Variants in SLAIN1 observed in about 807,000 individuals in gnomAD.
SLAIN1 encodes SLAIN motif-containing protein 1.
Under a neutral mutation model 55.4 loss-of-function variants are expected in SLAIN1, and 17 were observed. The observed-to-expected ratio is 0.31, with a 90% CI of 0.21 to 0.46. The LOEUF is 0.46. SLAIN1 is among the 20% of genes least tolerant of loss of function. SLAIN1 has a pLI of 1.00. For missense variants in SLAIN1, 682 were observed against 785.1 expected (o/e 0.87, Z 1.57); for synonymous variants, 348 against 337.4 (o/e 1.03, Z -0.35).
intron 1 of SLAIN1, among the ~76,000 whole-genome samples, chr13:77,714,384 G>A (rs1316306253): frequency 6.6e-6 from 1 of 152,132 alleles, no homozygotes; most frequent in African/African-American, 2.4e-5. Flanking sequence ...GGCTAAGGCA[G>A]GAAGATCACT....
At chr13:77,704,210 A>G (rs2091067457) in intron 1 of SLAIN1, among the ~76,000 whole-genome samples, 1 of 300 alleles carries the variant, frequency 3.3e-3, no homozygotes, top group African/African-American at 0.071. Flanking sequence ...ATATATATAC[A>G]TATGTTTTAT....
chr13:77,711,710 C>T (rs1165450766), intron 1 of SLAIN1, among the ~76,000 whole-genome samples: 4 of 152,152 alleles, frequency 2.6e-5, no homozygotes, highest in African/African-American at 9.7e-5. Flanking sequence ...AGGGGCTCCT[C>T]CCTAACTCAT....
chr13:77,756,617 T>A (rs1462793950), intron 5 of SLAIN1, among the ~76,000 whole-genome samples: 1 of 152,152 alleles, frequency 6.6e-6, no homozygotes, highest in Non-Finnish European at 1.5e-5. Context: ...TGAGTGCATA[T>A]GATCACCAAA....
intron 6 of SLAIN1, among the ~76,000 whole-genome samples, chr13:77,761,561 A>C (rs1875024895): frequency 6.6e-6 from 1 of 152,152 alleles, no homozygotes; most frequent in South Asian, 2.1e-4. Flanking sequence ...TAGGATCTCA[A>C]ATATTTGTTG....
chr13:77,760,999 C>T lies in SLAIN1; in HGVS notation c.1586C>T (p.Pro529Leu), dbSNP rs139541368. Residue 529 changes from proline (P) to leucine (L), a missense_variant, in exon 6 of 7, where the codon CCG (proline) becomes CTG (leucine). Coordinates refer to ENST00000418532, the MANE Select transcript of SLAIN1 (RefSeq NM_001242868.2). ...QLYSNTGIPT[P>L]NKAAASGIMG... is the part of the protein sequence containing the mutation. ...TATTCCAACACAGGAATCCCCACAC[C>T]GAACAAAGCTGCAGCTTCTGGGATA... 42 of 1,614,160 alleles carry T rather than the reference C, an allele frequency of 2.6e-5. No individual in the cohort carries two copies. Among genetic ancestry groups the T allele is most frequent in the African/African-American group, 1.7e-4 (13 of 75,044 alleles).
In SLAIN1 at chr13:77,735,248, A is replaced by G. The variant is rs576476297; in HGVS notation, c.767-9035A>G. Among the ~76,000 whole-genome samples, 475 of 152,272 alleles carry G rather than the reference A, an allele frequency of 3.1e-3. 1 individual carries two copies. Among genetic ancestry groups the G allele is most frequent in the Non-Finnish European group, 6.0e-3 (409 of 68,014 alleles). ...ATGTTATGATTTGCTCCAAATTTCA[A>G]AGCTAGTATGTGGCAGGATGAAGAC... On this transcript the variant is annotated intron_variant, in intron 2 of 6. Coordinates refer to ENST00000418532, the MANE Select transcript of SLAIN1 (RefSeq NM_001242868.2).
At chr13:77,738,230 A>ACACATATATG (rs1449481613) in intron 2 of SLAIN1, among the ~76,000 whole-genome samples, 4 of 150,338 alleles carry the variant, frequency 2.7e-5, no homozygotes, top group Non-Finnish European at 5.9e-5. Flanking sequence ...ATACATATAT[A>ACACATATATG]CATATACATA....
chr13:77,730,701 A>T (rs1206577265), intron 2 of SLAIN1, among the ~76,000 whole-genome samples: 1 of 152,108 alleles, frequency 6.6e-6, no homozygotes, highest in African/African-American at 2.4e-5. Flanking sequence ...GTATTTCAAG[A>T]AACAGTGTAT....
chr13:77,751,992 A>G (rs550943447), intron 4 of SLAIN1, among the ~76,000 whole-genome samples: 36 of 151,890 alleles, frequency 2.4e-4, no homozygotes, highest in Admixed American at 2.0e-4. Context: ...CTTATTTCAC[A>G]TGTGTTATTT....
intron 1 of SLAIN1, among the ~76,000 whole-genome samples, chr13:77,710,654 C>T (rs1385798713): frequency 1.3e-5 from 2 of 152,162 alleles, no homozygotes; most frequent in Non-Finnish European, 2.9e-5. Context: ...GAGACTCTAA[C>T]ACCCCACTGT....
At chr13:77,736,296 C>T (rs1409565609) in intron 2 of SLAIN1, among the ~76,000 whole-genome samples, 1 of 152,090 alleles carries the variant, frequency 6.6e-6, no homozygotes, top group Admixed American at 6.6e-5. Flanking sequence ...TCCTCTCCCT[C>T]ATTCTCTGTA....
intron 6 of SLAIN1, 142 bp from the exon 7 acceptor site, chr13:77,763,003 C>T (rs1219175620): frequency 4.5e-6 from 3 of 661,314 alleles, no homozygotes; most frequent in Non-Finnish European, 7.9e-6. Flanking sequence ...TAAGTGTGAA[C>T]CACAAGGTAC....
chr13:77,745,488 G>T (rs61963714), intron 3 of SLAIN1, among the ~76,000 whole-genome samples: 1 of 151,896 alleles, frequency 6.6e-6, no homozygotes. Context: ...AGTAGAAATA[G>T]GATAGTTTTT....
intron 1 of SLAIN1, among the ~76,000 whole-genome samples, chr13:77,706,977 G>A (rs1207633430): frequency 6.6e-6 from 1 of 151,830 alleles, no homozygotes; most frequent in Non-Finnish European, 1.5e-5. Context: ...ATGTCATGTT[G>A]TACCTTGGTA....
intron 2 of SLAIN1, among the ~76,000 whole-genome samples, chr13:77,742,290 G>A (rs1873498989): frequency 6.6e-6 from 1 of 151,902 alleles, no homozygotes; most frequent in East Asian, 1.9e-4. Context: ...ACCTTGAAAA[G>A]CTAGTTATAT....
chr13:77,699,690 A>G (rs1341791895), intron 1 of SLAIN1, among the ~76,000 whole-genome samples: 1 of 152,214 alleles, frequency 6.6e-6, no homozygotes, highest in African/African-American at 2.4e-5. Flanking sequence ...GTTTCATTCA[A>G]GAATCAAAAT....
chr13:77,723,474 C>T (rs1462373977), intron 2 of SLAIN1, among the ~76,000 whole-genome samples: 1 of 152,110 alleles, frequency 6.6e-6, no homozygotes. Flanking sequence ...TGAGAACCTC[C>T]TGTGTTTCAA....
chr13:77,741,091 A>G, intron 2 of SLAIN1: 1 of 918,834 alleles, frequency 1.1e-6, no homozygotes, highest in Non-Finnish European at 1.3e-6. Context: ...GTTATTGTGC[A>G]GAGTGATGAA....
intron 2 of SLAIN1, among the ~76,000 whole-genome samples, chr13:77,724,679 TTTAA>T (rs1453445516): frequency 6.6e-6 from 1 of 152,172 alleles, no homozygotes; most frequent in East Asian, 1.9e-4. Context: ...AACATAAAGA[TTTAA>T]TTGGAATAAT....
Sources: allele counts gnomAD v4.1 joint callset (sites outside exome capture counted in the v4.1 genomes callset), GRCh38; gene constraint gnomAD v4.1.1; transcripts MANE v1.5; gene names NCBI Gene and HGNC (gene_info 2026-07-23, HGNC 2026-07-21).